The following EIF4EBP1 variants were observed in gnomAD, a reference collection of about 807,000 sequenced individuals.
EIF4EBP1 encodes the protein eukaryotic translation initiation factor 4E binding protein 1.
In EIF4EBP1, 5 loss-of-function variants were observed where a neutral mutation model predicts 9.2. That is an observed-to-expected ratio of 0.54 (90% CI 0.28 to 1.14). EIF4EBP1 has a LOEUF of 1.14. Ranked by LOEUF, EIF4EBP1 falls within the 50% of genes most tolerant of loss-of-function variation. The pLI is 0.09. For synonymous variants in EIF4EBP1, 62 were observed against 67.0 expected (o/e 0.93, Z 0.36); for missense variants, 139 against 169.6 (o/e 0.82, Z 1.00).
At chr8:38,035,508 AC>A (rs1476867208) in intron 1 of EIF4EBP1, among the ~76,000 whole-genome samples, 1 of 151,640 alleles carries the variant, frequency 6.6e-6, no homozygotes, top group African/African-American at 2.4e-5. Context: ...ATGAGCCACC[AC>A]ACCCGGCCTT....
chr8:38,051,289 C>T (rs538276483), intron 1 of EIF4EBP1, among the ~76,000 whole-genome samples: 3 of 152,246 alleles, frequency 2.0e-5, no homozygotes, highest in African/African-American at 4.8e-5. Context: ...GATCGTTGAC[C>T]GCTCCTGTAC....
intron 1 of EIF4EBP1, among the ~76,000 whole-genome samples, chr8:38,048,030 G>C (rs992957255): frequency 3.9e-5 from 6 of 152,052 alleles, no homozygotes; most frequent in Non-Finnish European, 7.4e-5. Context: ...ACAAAAACAG[G>C]CTGGGTGCAG....
Position 38,031,160 on chromosome 8 carries a change from C to T in EIF4EBP1, c.145+442C>T, listed in dbSNP as rs573205521. ...TTCCTGCAGGGCCCTTTTTCCTTCC[C>T]GAAGCACGCCGAGTTTTGTGTTGGA... is the stretch of plus-strand genomic sequence containing the variant. On this transcript the variant is annotated intron_variant, in intron 1 of 2. Transcript: ENST00000338825. 2.4e-3 allele frequency among the ~76,000 whole-genome samples: 365 copies of T among 152,240 alleles called. 1 individual carries two copies. The highest frequency in any genetic ancestry group is 3.5e-3 in the Non-Finnish European group (236 of 68,016).
At position 38,057,171 on chromosome 8, in the gene EIF4EBP1, C is replaced by T. The variant is rs201186533; in HGVS notation, c.236C>T (p.Pro79Leu). The change falls in exon 2 of 3, where the codon CCG (proline) becomes CTG (leucine). Residue 79 changes from proline (P) to leucine (L), a missense_variant. By Grantham distance (98) the Pro-to-Leu change is moderately conservative. Coordinates refer to ENST00000338825, the MANE Select transcript of EIF4EBP1 (RefSeq NM_004095.4). ...CCCCCAAGGGATCTGCCCACCATTCCGGGGGTCACCAGCCCTTCCAGTGAT... is the reference window on the plus strand; with the variant it reads ...CCCCCAAGGGATCTGCCCACCATTCTGGGGGTCACCAGCCCTTCCAGTGAT... ...KTPPRDLPTI[P>L]GVTSPSSDEP... 168 of 1,614,242 alleles carry T rather than the reference C, an allele frequency of 1.0e-4. No individual in the cohort carries two copies. Among genetic ancestry groups the T allele is most frequent in the Admixed American group, 2.3e-4 (14 of 60,032 alleles).
intron 1 of EIF4EBP1, among the ~76,000 whole-genome samples, chr8:38,041,337 A>G (rs1261221363): frequency 6.6e-6 from 1 of 152,258 alleles, no homozygotes; most frequent in Non-Finnish European, 1.5e-5. Context: ...TTCTAACCTC[A>G]GGCGATCTGC....
rs905573947 is a variant in EIF4EBP1 at position 38,051,599 on chromosome 8, AT to A, written c.146-5473del. Among the ~76,000 whole-genome samples, 8 of 151,148 alleles carry A rather than the reference AT, an allele frequency of 5.3e-5. No individual in the cohort carries two copies. The South Asian group carries it at 6.3e-4, about 12-fold the overall frequency. On this transcript the variant is annotated intron_variant, in intron 1 of 2. Transcript: ENST00000338825. ...GAGGTTTTGTTTTCCTTTTATTTAT[AT>A]TTTTTTTTATTTTTTTGTGACAGAG...
intron 1 of EIF4EBP1, among the ~76,000 whole-genome samples, chr8:38,042,786 G>A (rs1333601604): frequency 6.6e-6 from 1 of 152,160 alleles, no homozygotes; most frequent in Non-Finnish European, 1.5e-5. Flanking sequence ...GGGGCAGGCC[G>A]AGCATGGTGG....
At chr8:38,039,776 A>G (rs942651598) in intron 1 of EIF4EBP1, among the ~76,000 whole-genome samples, 1 of 152,230 alleles carries the variant, frequency 6.6e-6, no homozygotes, top group Non-Finnish European at 1.5e-5. Flanking sequence ...TTTTAAGTCA[A>G]GGAACATTTG....
At chr8:38,059,663 G>A (rs1438381574) in intron 2 of EIF4EBP1, among the ~76,000 whole-genome samples, 1 of 151,832 alleles carries the variant, frequency 6.6e-6, no homozygotes, top group Non-Finnish European at 1.5e-5. Flanking sequence ...GGCTTAGGTA[G>A]GAGAATCGCT....
chr8:38,042,158 C>T (rs1388696974), intron 1 of EIF4EBP1, among the ~76,000 whole-genome samples: 1 of 152,174 alleles, frequency 6.6e-6, no homozygotes, highest in African/African-American at 2.4e-5. Flanking sequence ...TTCAGAGGAG[C>T]CCACACCTGC....
intron 2 of EIF4EBP1, 144 bp from the exon 3 acceptor site, chr8:38,059,760 A>T: frequency 1.2e-6 from 1 of 845,878 alleles, no homozygotes; most frequent in Non-Finnish European, 1.8e-6. Context: ...CATCTCAAAA[A>T]AAAAAAACAA....
chr8:38,042,163 A>ACCTGC (rs1809390646), intron 1 of EIF4EBP1, among the ~76,000 whole-genome samples: 2 of 152,228 alleles, frequency 1.3e-5, no homozygotes, highest in South Asian at 4.1e-4. Flanking sequence ...AGGAGCCCAC[A>ACCTGC]CCTGCCCTGC....
In EIF4EBP1 at chr8:38,030,662, C is replaced by A. The variant is rs1809203020; in HGVS notation, c.89C>A (p.Pro30Gln). The A allele has an allele frequency of 6.7e-7, 1 of 1,502,410 alleles. No homozygotes were observed. The highest frequency in any genetic ancestry group is 2.7e-5 in the East Asian group (1 of 36,768). 93.1% of individuals were successfully genotyped at this position (1,502,410 alleles called of 1,614,324 possible). A position where few individuals can be genotyped will look rare whatever the true frequency, so the allele number is the denominator to read the frequency against. The change falls in exon 1 of 3, where the codon CCG becomes CAG. Residue 30 changes from proline (P) to glutamine (Q), a missense_variant. Physicochemically the swap from Pro to Gln is moderately conservative, Grantham distance 76. Coordinates refer to ENST00000338825, the MANE Select transcript of EIF4EBP1 (RefSeq NM_004095.4). ...RVVLGDGVQL[P>Q]PGDYSTTPGG... ...GTGCTCGGCGACGGCGTGCAGCTCC[C>A]GCCCGGGGACTACAGCACGACCCCC...
At chr8:38,040,149 T>C (rs1228225046) in intron 1 of EIF4EBP1, among the ~76,000 whole-genome samples, 3 of 152,100 alleles carry the variant, frequency 2.0e-5, no homozygotes, top group African/African-American at 4.8e-5. Context: ...TCCCAAAGCA[T>C]TGGGATTACA....
At chr8:38,038,236 C>T (rs993483409) in intron 1 of EIF4EBP1, among the ~76,000 whole-genome samples, 1 of 151,484 alleles carries the variant, frequency 6.6e-6, no homozygotes, top group Non-Finnish European at 1.5e-5. Flanking sequence ...TGGCCGGACA[C>T]GGTGGCTCAT....
At chr8:38,046,406 T>C (rs1039342615) in intron 1 of EIF4EBP1, among the ~76,000 whole-genome samples, 3 of 152,172 alleles carry the variant, frequency 2.0e-5, no homozygotes, top group African/African-American at 7.2e-5. Context: ...ACAAACATGC[T>C]GAAGTTTATG....
At chr8:38,047,045 G>C (rs1013504357) in intron 1 of EIF4EBP1, among the ~76,000 whole-genome samples, 8 of 152,120 alleles carry the variant, frequency 5.3e-5, no homozygotes, top group African/African-American at 1.9e-4. Context: ...TCACCCCTCG[G>C]GCACTGGAGA....
Position 38,041,478 on chromosome 8 carries a change from G to T in EIF4EBP1, c.145+10760G>T, listed in dbSNP as rs544315411. Among the ~76,000 whole-genome samples the T allele has an allele frequency of 3.3e-5, 5 of 152,232 alleles. No homozygotes were observed. The East Asian group carries it at 9.7e-4, about 29-fold the overall frequency. The stretch of plus-strand genomic sequence containing the variant: ...GAGGAGTGGTAGGAGCCACATTTTC[G>T]AATAATCCTCCACAAGGGCCAGACC... On this transcript the variant is annotated intron_variant, in intron 1 of 2. Coordinates refer to ENST00000338825, the MANE Select transcript of EIF4EBP1 (RefSeq NM_004095.4).
At chr8:38,046,703 G>A (rs1386698901) in intron 1 of EIF4EBP1, among the ~76,000 whole-genome samples, 1 of 152,144 alleles carries the variant, frequency 6.6e-6, no homozygotes, top group African/African-American at 2.4e-5. Context: ...CATCATCATT[G>A]TCGTCGCCAA....
Sources: gnomAD v4.1 joint callset for allele counts (sites outside exome capture counted in the v4.1 genomes callset) on GRCh38, gnomAD v4.1.1 for gene constraint, MANE v1.5 for transcripts, NCBI Gene and HGNC (gene_info 2026-07-23, HGNC 2026-07-21) for gene names.